Variants in COL11A1 observed in about 807,000 individuals in gnomAD.
COL11A1 encodes collagen type XI alpha 1 chain.
COL11A1 carries 74 observed loss-of-function variants against 265.2 expected under a neutral mutation model. That is an observed-to-expected ratio of 0.28 (90% CI 0.23 to 0.34). The LOEUF is 0.34. Ranked by LOEUF, COL11A1 falls within the 10% of genes least tolerant of loss-of-function variation. The pLI is 1.00. For synonymous variants in COL11A1, 816 were observed against 727.6 expected, an observed-to-expected ratio of 1.12 and a Z score of -1.96; for missense variants, 2,165 against 2,263.6, an observed-to-expected ratio of 0.96 and a Z score of 0.88.
chr1:102,891,518 GC>G (rs1289941608), intron 57 of COL11A1, among the ~76,000 whole-genome samples: 1 of 151,188 alleles, frequency 6.6e-6, no homozygotes, highest in African/African-American at 2.4e-5. Context: ...ACTCTGTCCT[GC>G]CCCCCCGCCC....
chr1:102,942,784 T>C (rs1019994780), intron 42 of COL11A1, among the ~76,000 whole-genome samples: 3 of 152,094 alleles, frequency 2.0e-5, no homozygotes, highest in African/African-American at 7.2e-5. Context: ...CACACACTGA[T>C]GGTAATGATA....
chr1:102,989,087 A>T (rs1663861634), intron 29 of COL11A1, among the ~76,000 whole-genome samples: 1 of 152,138 alleles, frequency 6.6e-6, no homozygotes, highest in Non-Finnish European at 1.5e-5. Context: ...CAAAAATTGA[A>T]CACCACCATA....
intron 41 of COL11A1, among the ~76,000 whole-genome samples, chr1:102,959,813 A>G (rs1660723407): frequency 6.6e-6 from 1 of 152,160 alleles, no homozygotes; most frequent in Admixed American, 6.6e-5. Flanking sequence ...ACTGGTTTCA[A>G]CTGTTCCCAA....
At chr1:103,106,034 C>G (rs1200444020) in intron 1 of COL11A1, among the ~76,000 whole-genome samples, 1 of 152,170 alleles carries the variant, frequency 6.6e-6, no homozygotes, top group African/African-American at 2.4e-5. Flanking sequence ...TCTATCATTA[C>G]TTGGCTTCAT....
chr1:102,892,470 A>G (rs1651891240), intron 57 of COL11A1, among the ~76,000 whole-genome samples: 1 of 152,152 alleles, frequency 6.6e-6, no homozygotes, highest in African/African-American at 2.4e-5. Context: ...TGGGTTCAGA[A>G]TAGATAAGGT....
intron 53 of COL11A1, 21 bp downstream of exon 53, chr1:102,913,616 T>C (rs778075124): frequency 6.2e-7 from 1 of 1,610,110 alleles, no homozygotes; most frequent in Admixed American, 1.7e-5. Context: ...AACTTAAAAA[T>C]AAATTAGTGC....
chr1:102,975,534 A>G (rs1662387633), intron 35 of COL11A1, among the ~76,000 whole-genome samples: 1 of 152,122 alleles, frequency 6.6e-6, no homozygotes, highest in African/African-American at 2.4e-5. Flanking sequence ...TTATAATATC[A>G]TTCTTGGCTT....
intron 4 of COL11A1, among the ~76,000 whole-genome samples, chr1:103,071,732 T>A (rs575872742): frequency 6.8e-6 from 1 of 147,978 alleles, no homozygotes; most frequent in East Asian, 1.9e-4. Flanking sequence ...TGGGTCACTG[T>A]TAGTTGCCCA....
intron 42 of COL11A1, among the ~76,000 whole-genome samples, chr1:102,942,650 T>G (rs1306973063): frequency 3.3e-5 from 5 of 152,116 alleles, no homozygotes; most frequent in Non-Finnish European, 4.4e-5. Context: ...GGTCTTATAT[T>G]TAACCTATAC....
rs769091234 is a variant in COL11A1 at position 102,978,925 on chromosome 1, A to G, written c.2656-12T>C. Reference sequence around the variant, plus strand: ...GAACCTCGAGGACCCTGCAGATGAGAACAAAAGATGAACCCAAACTAATGC... The same window carrying G: ...GAACCTCGAGGACCCTGCAGATGAGGACAAAAGATGAACCCAAACTAATGC... On this transcript the variant is annotated splice_polypyrimidine_tract_variant and intron_variant, in intron 33 of 66. Transcript: ENST00000370096. 4 of 1,614,184 alleles carry G rather than the reference A, an allele frequency of 2.5e-6. No homozygotes were observed. Among genetic ancestry groups the G allele is most frequent in the Admixed American group, 1.7e-5 (1 of 60,012 alleles).
chr1:102,936,130 T>A (rs1306368159), intron 44 of COL11A1, among the ~76,000 whole-genome samples: 1 of 152,082 alleles, frequency 6.6e-6, no homozygotes, highest in Admixed American at 6.6e-5. Context: ...TGAAAGTTAT[T>A]AATATTATTA....
chr1:103,008,747 G>A (rs949531869), intron 14 of COL11A1, among the ~76,000 whole-genome samples: 1 of 152,146 alleles, frequency 6.6e-6, no homozygotes, highest in African/African-American at 2.4e-5. Context: ...ATTTTATGTA[G>A]CACTACACAG....
chr1:103,107,318 C>T (rs1246319342), intron 1 of COL11A1, among the ~76,000 whole-genome samples: 1 of 151,776 alleles, frequency 6.6e-6, no homozygotes, highest in Non-Finnish European at 1.5e-5. Flanking sequence ...GCCCCCACCC[C>T]ATTTGCTTGG....
chr1:102,904,678 C>A (rs1177846324), intron 54 of COL11A1, among the ~76,000 whole-genome samples: 4 of 150,944 alleles, frequency 2.6e-5, no homozygotes, highest in African/African-American at 9.9e-5. Context: ...CAATGAGATA[C>A]CATCTCACAC....
At chr1:102,958,541 T>A (rs1280483137) in intron 41 of COL11A1, among the ~76,000 whole-genome samples, 1 of 152,162 alleles carries the variant, frequency 6.6e-6, no homozygotes, top group African/African-American at 2.4e-5. Flanking sequence ...CAGCACTTGT[T>A]ATGAACTGAG....
intron 5 of COL11A1, 35 bp downstream of exon 5, chr1:103,031,079 GAA>G: frequency 6.2e-7 from 1 of 1,611,738 alleles, no homozygotes; most frequent in East Asian, 2.2e-5. Context: ...CCATATCACT[GAA>G]ATACGAAGAC....
chr1:102,922,976 A>AT (rs1452669677), intron 47 of COL11A1, among the ~76,000 whole-genome samples: 1 of 152,200 alleles, frequency 6.6e-6, no homozygotes, highest in African/African-American at 2.4e-5. Flanking sequence ...AAACAATTAT[A>AT]TGCATTTCAA....
At chr1:103,029,247 G>A (rs943979473) in intron 5 of COL11A1, among the ~76,000 whole-genome samples, 1 of 152,002 alleles carries the variant, frequency 6.6e-6, no homozygotes, top group Admixed American at 6.6e-5. Flanking sequence ...TGCAATGCCA[G>A]AAGTTTATTA....
chr1:102,881,904 A>G (rs1650293143), intron 64 of COL11A1, 139 bp from the exon 65 acceptor site: 1 of 682,820 alleles, frequency 1.5e-6, no homozygotes. Context: ...GACACAAATT[A>G]GATTATACAA....
Sources: gnomAD v4.1 joint callset for allele counts (sites outside exome capture counted in the v4.1 genomes callset) on GRCh38, gnomAD v4.1.1 for gene constraint, MANE v1.5 for transcripts, NCBI Gene and HGNC (gene_info 2026-07-23, HGNC 2026-07-21) for gene names.